Variants in ZSWIM6 observed in about 807,000 individuals in gnomAD.
ZSWIM6 encodes the protein zinc finger SWIM domain-containing protein 6.
In ZSWIM6, 9 loss-of-function variants were observed where a neutral mutation model predicts 113.2. That is an observed-to-expected ratio of 0.08 (90% CI 0.05 to 0.14). The LOEUF is 0.14. ZSWIM6 is among the 10% of genes least tolerant of loss of function. ZSWIM6 has a pLI of 1.00. For missense variants in ZSWIM6, 1,162 were observed against 1,552.2 expected, an observed-to-expected ratio of 0.75 and a Z score of 4.22; for synonymous variants, 611 against 606.5, an observed-to-expected ratio of 1.01 and a Z score of -0.11.
At chr5:61,335,293 G>A (rs1201372496) in intron 1 of ZSWIM6, among the ~76,000 whole-genome samples, 1 of 152,228 alleles carries the variant, frequency 6.6e-6, no homozygotes, top group Non-Finnish European at 1.5e-5. Flanking sequence ...ACAAATTGTG[G>A]AAAATATTCT....
At chr5:61,367,082 G>A (rs573141058) in intron 1 of ZSWIM6, among the ~76,000 whole-genome samples, 1 of 152,242 alleles carries the variant, frequency 6.6e-6, no homozygotes, top group African/African-American at 2.4e-5. Flanking sequence ...AGGCCATTTG[G>A]TGTGGAGCCA....
At chr5:61,513,449 C>A (rs1415154415) in intron 4 of ZSWIM6, among the ~76,000 whole-genome samples, 1 of 151,974 alleles carries the variant, frequency 6.6e-6, no homozygotes, top group African/African-American at 2.4e-5. Flanking sequence ...TTAACAGTGT[C>A]TTTTGTAGAA....
At chr5:61,458,554 C>G (rs1488947960) in intron 1 of ZSWIM6, among the ~76,000 whole-genome samples, 1 of 152,142 alleles carries the variant, frequency 6.6e-6, no homozygotes, top group African/African-American at 2.4e-5. Flanking sequence ...GACCACTGAT[C>G]TAGTCCTTCA....
At chr5:61,532,201 T>C (rs1749455213) in intron 9 of ZSWIM6, among the ~76,000 whole-genome samples, 1 of 152,236 alleles carries the variant, frequency 6.6e-6, no homozygotes, top group Non-Finnish European at 1.5e-5. Context: ...GACTGAGGGC[T>C]GTGCGAGTGA....
chr5:61,536,004 G>A (rs750699647), intron 10 of ZSWIM6, among the ~76,000 whole-genome samples: 4 of 152,156 alleles, frequency 2.6e-5, no homozygotes, highest in Non-Finnish European at 5.9e-5. Flanking sequence ...TATAATTGAG[G>A]GAGACCTTCA....
intron 3 of ZSWIM6, among the ~76,000 whole-genome samples, chr5:61,492,207 T>G (rs1748200332): frequency 6.6e-6 from 1 of 152,076 alleles, no homozygotes; most frequent in South Asian, 2.1e-4. Flanking sequence ...AAATAAACAT[T>G]AAATCAAATC....
At position 61,452,686 on chromosome 5, in the gene ZSWIM6, A is replaced by G. The variant is rs573343679; in HGVS notation, c.677-19995A>G. 4.3e-4 allele frequency among the ~76,000 whole-genome samples: 65 copies of G among 152,350 alleles called. No individual in the cohort carries two copies. In the South Asian group the frequency reaches 0.013, roughly 30 times the overall value. On this transcript the variant is annotated intron_variant, in intron 1 of 13. Coordinates refer to ENST00000252744, the MANE Select transcript of ZSWIM6 (RefSeq NM_020928.2). Reference sequence around the variant, plus strand: ...AACCTCCCCTAATGTTAATATCTGCATTACCATTACCTTGGTACTTTCATC... The same window carrying G: ...AACCTCCCCTAATGTTAATATCTGCGTTACCATTACCTTGGTACTTTCATC...
chr5:61,402,802 T>C (rs532898796), intron 1 of ZSWIM6, among the ~76,000 whole-genome samples: 133 of 152,366 alleles, frequency 8.7e-4, no homozygotes, highest in African/African-American at 3.1e-3. Flanking sequence ...TTAGAATTTG[T>C]ATTTTTGGGC....
At chr5:61,410,284 A>G (rs941425813) in intron 1 of ZSWIM6, among the ~76,000 whole-genome samples, 3 of 150,544 alleles carry the variant, frequency 2.0e-5, no homozygotes, top group African/African-American at 7.3e-5. Context: ...GTTTGTGAAT[A>G]GTATTGTAAT....
chr5:61,480,318 C>G (rs982417134), intron 2 of ZSWIM6, among the ~76,000 whole-genome samples: 2 of 152,134 alleles, frequency 1.3e-5, no homozygotes, highest in Non-Finnish European at 2.9e-5. Flanking sequence ...GGGCCATAAA[C>G]CCTGACAGGT....
At chr5:61,364,117 T>C (rs923119101) in intron 1 of ZSWIM6, among the ~76,000 whole-genome samples, 3 of 151,880 alleles carry the variant, frequency 2.0e-5, no homozygotes, top group African/African-American at 7.3e-5. Context: ...TGATCACAGC[T>C]CACTGCAGTA....
chr5:61,350,901 A>T (rs978866895), intron 1 of ZSWIM6, among the ~76,000 whole-genome samples: 1 of 152,226 alleles, frequency 6.6e-6, no homozygotes, highest in Non-Finnish European at 1.5e-5. Context: ...TAAATAGTAC[A>T]CAAAAGGGAA....
intron 1 of ZSWIM6, among the ~76,000 whole-genome samples, chr5:61,444,271 A>G (rs949688676): frequency 1.3e-5 from 2 of 152,072 alleles, no homozygotes; most frequent in Non-Finnish European, 2.9e-5. Flanking sequence ...TACAAAGGAC[A>G]TGAACTCATC....
intron 1 of ZSWIM6, chr5:61,390,968 C>T: frequency 1.3e-6 from 1 of 759,348 alleles, no homozygotes; most frequent in South Asian, 1.3e-5. Flanking sequence ...TCAGTGGAGG[C>T]ATTGTTCTTG....
chr5:61,542,767 C>T (rs571347652), intron 13 of ZSWIM6, among the ~76,000 whole-genome samples: 3 of 152,198 alleles, frequency 2.0e-5, no homozygotes, highest in Non-Finnish European at 2.9e-5. Context: ...AAAAATAATA[C>T]TAATTTAAGA....
At chr5:61,516,708 A>G (rs1356013232) in intron 4 of ZSWIM6, among the ~76,000 whole-genome samples, 2 of 151,856 alleles carry the variant, frequency 1.3e-5, no homozygotes, top group Non-Finnish European at 2.9e-5. Context: ...TAAAAGTCAA[A>G]AATAATCTAT....
chr5:61,390,696 T>C, intron 1 of ZSWIM6: 1 of 857,180 alleles, frequency 1.2e-6, no homozygotes, highest in Non-Finnish European at 2.0e-6. Context: ...TGCAATTCGG[T>C]CTTTCTTGAG....
At chr5:61,494,821 T>A (rs2112220560) in intron 4 of ZSWIM6, among the ~76,000 whole-genome samples, 1 of 152,314 alleles carries the variant, frequency 6.6e-6, no homozygotes, top group East Asian at 1.9e-4. Flanking sequence ...AGTTGGATAT[T>A]CATTTTATTT....
chr5:61,533,397 G>A (rs1249562614), intron 9 of ZSWIM6, among the ~76,000 whole-genome samples: 2 of 152,230 alleles, frequency 1.3e-5, no homozygotes, highest in Non-Finnish European at 2.9e-5. Flanking sequence ...AGAGGAAGGA[G>A]TAACCCAGTA....
Sources: allele counts gnomAD v4.1 joint callset (sites outside exome capture counted in the v4.1 genomes callset), GRCh38; gene constraint gnomAD v4.1.1; transcripts MANE v1.5; gene names NCBI Gene and HGNC (gene_info 2026-07-23, HGNC 2026-07-21).